HS6ST2: variants seen among roughly 807,000 people sequenced by gnomAD.
The protein encoded by HS6ST2 is heparan-sulfate 6-O-sulfotransferase 2.
HS6ST2 carries 17 observed loss-of-function variants against 33.0 expected under a neutral mutation model. That is an observed-to-expected ratio of 0.52 (90% CI 0.35 to 0.77). The LOEUF (loss-of-function observed/expected upper bound fraction) is 0.77, where lower values mean the gene tolerates loss of function less well. Ranked by LOEUF, HS6ST2 falls within the 30% of genes least tolerant of loss-of-function variation. HS6ST2 has a pLI of 0.01. For synonymous variants in HS6ST2, 248 were observed against 237.1 expected (o/e 1.05, Z -0.42); for missense variants, 519 against 551.7 (o/e 0.94, Z 0.59).
At chrX:132,772,533 T>A (rs1427954736) in intron 2 of HS6ST2, among the ~76,000 whole-genome samples, 3 of 105,362 alleles carry the variant, frequency 2.8e-5, no homozygotes, top group Non-Finnish European at 5.8e-5. Flanking sequence ...GCATACAATA[T>A]AAATAATTGT....
At chrX:132,726,818 A>C (rs1287091367) in intron 2 of HS6ST2, among the ~76,000 whole-genome samples, 1 of 111,908 alleles carries the variant, frequency 8.9e-6, no homozygotes, top group Non-Finnish European at 1.9e-5. Flanking sequence ...AGGTTCATCC[A>C]TATTGTAGCA....
chrX:132,854,335 A>G, intron 2 of HS6ST2, among the ~76,000 whole-genome samples: 1 of 112,595 alleles, frequency 8.9e-6, no homozygotes, highest in Non-Finnish European at 1.9e-5. Flanking sequence ...TGTGAATAAA[A>G]CAGCAAAAAG....
At chrX:132,915,985 G>A (rs947446258) in intron 2 of HS6ST2, among the ~76,000 whole-genome samples, 10 of 109,804 alleles carry the variant, frequency 9.1e-5, no homozygotes, top group East Asian at 8.5e-4. Flanking sequence ...CACCTGCCTC[G>A]GCCTCCCAAA....
At chrX:132,754,222 A>G (rs1473083063) in intron 2 of HS6ST2, among the ~76,000 whole-genome samples, 7 of 110,199 alleles carry the variant, frequency 6.4e-5, no homozygotes, top group Non-Finnish European at 5.7e-5. Context: ...TGTTTTTCTC[A>G]TAAGTAGGCT....
At position 132,637,833 on chromosome X, in the gene HS6ST2, TATA is replaced by T. The variant is rs1231727373; in HGVS notation, c.1068-8743_1068-8741del. 3.8e-4 allele frequency among the ~76,000 whole-genome samples: 17 copies of T among 44,502 alleles called. No homozygotes were observed. The African/African-American group carries it at 5.1e-3, about 13-fold the overall frequency. 38.6% of individuals were successfully genotyped at this position (44,502 alleles called of 115,157 possible). On this transcript the variant is annotated intron_variant, in intron 4 of 4. Transcript: ENST00000370833. ...ATTATTTTATATATATAATATTATA[TATA>T]ATATTTTATATATAATATATATATA...
intron 2 of HS6ST2, among the ~76,000 whole-genome samples, chrX:132,799,297 T>G (rs2065213293): frequency 1.8e-5 from 2 of 110,906 alleles, no homozygotes; most frequent in Admixed American, 1.9e-4. Flanking sequence ...TAAATCCTGA[T>G]GCCTGGGTCA....
intron 2 of HS6ST2, among the ~76,000 whole-genome samples, chrX:132,744,084 G>A (rs2064611098): frequency 9.0e-6 from 1 of 111,389 alleles, no homozygotes; most frequent in Admixed American, 9.5e-5. Context: ...CACCATGCCT[G>A]GCCTGCAGCA....
intron 2 of HS6ST2, 95 bp downstream of exon 2, chrX:132,956,713 G>A (rs2067076296): frequency 9.9e-7 from 1 of 1,012,966 alleles, no homozygotes; most frequent in Non-Finnish European, 1.3e-6. Context: ...CCGGGCGTCA[G>A]GGTGCGCGCT....
At chrX:132,735,850 A>AT (rs2064503301) in intron 2 of HS6ST2, among the ~76,000 whole-genome samples, 2 of 110,860 alleles carry the variant, frequency 1.8e-5, no homozygotes, top group East Asian at 2.8e-4. Flanking sequence ...TTATTTATTT[A>AT]TTTTTTTGAG....
intron 4 of HS6ST2, among the ~76,000 whole-genome samples, chrX:132,650,001 T>G (rs1168165782): frequency 9.0e-6 from 1 of 111,575 alleles, no homozygotes; most frequent in Admixed American, 9.5e-5. Context: ...TAGAAAGCAT[T>G]TATCAGTGGT....
In HS6ST2 at chrX:132,756,791, C is replaced by T. The variant is rs181509790; in HGVS notation, c.948-48297G>A. ...TCTCTTCAAGTGGCTCTCTCTCACA[C>T]GTTCTTGCTCTCCCATTCCCCTGTG... is the stretch of plus-strand genomic sequence containing the variant. On this transcript the variant is annotated intron_variant, in intron 2 of 4. Coordinates refer to ENST00000370833, the MANE Select transcript of HS6ST2 (RefSeq NM_001394073.1). 4.6e-5 allele frequency among the ~76,000 whole-genome samples: 5 copies of T among 107,828 alleles called. No individual in the cohort carries two copies. In the East Asian group the frequency reaches 1.2e-3, roughly 25 times the overall value. The allele number at this position is 107,828 out of a possible 115,157, so 93.6% of individuals were successfully genotyped here. A position where few individuals can be genotyped will look rare whatever the true frequency, so the allele number is the denominator to read the frequency against.
chrX:132,770,683 T>G (rs1479496606), intron 2 of HS6ST2, among the ~76,000 whole-genome samples: 1 of 111,017 alleles, frequency 9.0e-6, no homozygotes, highest in Non-Finnish European at 1.9e-5. Flanking sequence ...AAGGGATGTA[T>G]TGGGTAAGTC....
chrX:132,920,896 C>A (rs752218140), intron 2 of HS6ST2, among the ~76,000 whole-genome samples: 4 of 112,248 alleles, frequency 3.6e-5, no homozygotes, highest in Non-Finnish European at 7.5e-5. Flanking sequence ...CTGCTCCCAC[C>A]CAATATAAAG....
chrX:132,844,801 A>AAATT (rs1466281490), intron 2 of HS6ST2, among the ~76,000 whole-genome samples: 1 of 111,604 alleles, frequency 9.0e-6, no homozygotes, highest in African/African-American at 3.3e-5. Context: ...CTAAGGATAA[A>AAATT]AATTATATAG....
chrX:132,790,851 C>T (rs2065114477), intron 2 of HS6ST2, among the ~76,000 whole-genome samples: 1 of 112,052 alleles, frequency 8.9e-6, no homozygotes, highest in African/African-American at 3.2e-5. Flanking sequence ...ATTTTGTAAA[C>T]CCTCTTCAGG....
At chrX:132,819,791 C>T (rs989011233) in intron 2 of HS6ST2, among the ~76,000 whole-genome samples, 13 of 112,196 alleles carry the variant, frequency 1.2e-4, no homozygotes, top group African/African-American at 4.2e-4. Flanking sequence ...AAGCACTTTG[C>T]TTCCTCCCTT....
At chrX:132,950,941 G>A (rs1254738280) in intron 2 of HS6ST2, among the ~76,000 whole-genome samples, 1 of 111,159 alleles carries the variant, frequency 9.0e-6, no homozygotes, top group Non-Finnish European at 1.9e-5. Flanking sequence ...CGCCAATTGT[G>A]AATTCAGATT....
chrX:132,847,033 G>C (rs749854758), intron 2 of HS6ST2, among the ~76,000 whole-genome samples: 32 of 111,301 alleles, frequency 2.9e-4, no homozygotes, highest in Non-Finnish European at 5.8e-4. Flanking sequence ...GTTCATGCAT[G>C]AAGCTGGAGG....
In HS6ST2 at chrX:132,745,835, C is replaced by T. The variant is rs1353373760; in HGVS notation, c.948-37341G>A. On this transcript the variant is annotated intron_variant, in intron 2 of 4. Coordinates refer to ENST00000370833, the MANE Select transcript of HS6ST2 (RefSeq NM_001394073.1). Reference sequence around the variant, plus strand: ...CCAAGGCTGACCCATGAGATTCTGACGCAATTGGTATGAGTAGGGCCTGAG... The same window carrying T: ...CCAAGGCTGACCCATGAGATTCTGATGCAATTGGTATGAGTAGGGCCTGAG... Among the ~76,000 whole-genome samples, 6 of 112,008 alleles carry T rather than the reference C, an allele frequency of 5.4e-5. No homozygotes were observed. The Admixed American group carries it at 5.7e-4, about 11-fold the overall frequency.
Sources: allele counts gnomAD v4.1 joint callset (sites outside exome capture counted in the v4.1 genomes callset), GRCh38; gene constraint gnomAD v4.1.1; transcripts MANE v1.5; gene names NCBI Gene and HGNC (gene_info 2026-07-23, HGNC 2026-07-21).